ULK4: variants seen among roughly 807,000 people sequenced by gnomAD.
ULK4 encodes inactive serine/threonine-protein kinase ULK4.
A neutral mutation model predicts 160.6 loss-of-function variants in ULK4; 133 were observed. The ratio of observed to expected loss-of-function variants is 0.83; its 90% CI spans 0.72 to 0.96. ULK4 has a LOEUF of 0.96. ULK4 is among the 40% of genes least tolerant of loss of function. The pLI is 0.00. For missense variants in ULK4, 1,580 were observed against 1,499.5 expected, an observed-to-expected ratio of 1.05 and a Z score of -0.89; for synonymous variants, 534 against 539.8, an observed-to-expected ratio of 0.99 and a Z score of 0.15.
intron 35 of ULK4, among the ~76,000 whole-genome samples, chr3:41,318,786 G>T (rs1320803101): frequency 6.6e-6 from 1 of 152,188 alleles, no homozygotes; most frequent in East Asian, 1.9e-4. Context: ...GGATGTGGTT[G>T]ATCGATATTC....
intron 22 of ULK4, among the ~76,000 whole-genome samples, chr3:41,735,930 G>C (rs2038025424): frequency 6.9e-6 from 1 of 144,664 alleles, no homozygotes; most frequent in South Asian, 2.2e-4. Flanking sequence ...CTATGAGTGA[G>C]AATATGCGGT....
At chr3:41,385,159 C>A (rs2081776210) in intron 35 of ULK4, among the ~76,000 whole-genome samples, 1 of 152,162 alleles carries the variant, frequency 6.6e-6, no homozygotes, top group South Asian at 2.1e-4. Flanking sequence ...ATGATGTCTT[C>A]ACTTTCACAT....
intron 30 of ULK4, among the ~76,000 whole-genome samples, chr3:41,640,941 T>C (rs771689454): frequency 7.2e-5 from 11 of 152,356 alleles, no homozygotes; most frequent in Middle Eastern, 3.4e-3. Context: ...TCCCACGTCT[T>C]CAATCTAAAG....
chr3:41,429,054 C>T (rs1030161476), intron 34 of ULK4, among the ~76,000 whole-genome samples: 29 of 146,244 alleles, frequency 2.0e-4, no homozygotes, highest in African/African-American at 6.8e-4. Flanking sequence ...CTTAAATTTA[C>T]AAGAAAAAAA....
rs752625851 is a variant in ULK4 at position 41,841,681 on chromosome 3, G to A, written c.1657-5710C>T. 1.4e-4 allele frequency among the ~76,000 whole-genome samples: 22 copies of A among 152,184 alleles called. No individual in the cohort carries two copies. In the South Asian group the frequency reaches 1.9e-3, roughly 13 times the overall value. ...GAGAACGGGCCATGATGACGATGGC[G>A]GTTTTGTCGAAAAGAAAAGGGGAAA... On this transcript the variant is annotated intron_variant, in intron 17 of 36. Transcript: ENST00000301831.
At chr3:41,310,194 C>T (rs1345172969) in intron 35 of ULK4, among the ~76,000 whole-genome samples, 1 of 152,074 alleles carries the variant, frequency 6.6e-6, no homozygotes, top group Non-Finnish European at 1.5e-5. Context: ...TCAAATGGAC[C>T]AAATGTTTCT....
intron 18 of ULK4, among the ~76,000 whole-genome samples, chr3:41,831,417 C>CA (rs1559590460): frequency 2.5e-5 from 3 of 119,910 alleles, no homozygotes; most frequent in South Asian, 2.4e-4. Context: ...ATATACTAGT[C>CA]GTTTTTTTTT....
intron 32 of ULK4, among the ~76,000 whole-genome samples, chr3:41,541,312 A>G (rs2086687334): frequency 6.6e-6 from 1 of 152,056 alleles, no homozygotes. Context: ...TGTTTTTGTC[A>G]GGTTTGTCAA....
intron 30 of ULK4, among the ~76,000 whole-genome samples, chr3:41,640,271 T>C (rs2034128329): frequency 6.6e-6 from 1 of 152,218 alleles, no homozygotes; most frequent in Non-Finnish European, 1.5e-5. Context: ...AAGGTAGCTC[T>C]ATACAAGTGA....
At chr3:41,531,484 A>G (rs148577071) in intron 32 of ULK4, among the ~76,000 whole-genome samples, 89 of 137,820 alleles carry the variant, frequency 6.5e-4, no homozygotes, top group Middle Eastern at 3.9e-3. Context: ...AGGAGGGGAG[A>G]GGAGAGGAGA....
At chr3:41,821,040 A>T (rs1426441980) in intron 18 of ULK4, among the ~76,000 whole-genome samples, 2 of 152,180 alleles carry the variant, frequency 1.3e-5, no homozygotes, top group African/African-American at 4.8e-5. Context: ...CCTTAACATC[A>T]GTGGACTCTG....
intron 32 of ULK4, among the ~76,000 whole-genome samples, chr3:41,560,521 T>A (rs1358008496): frequency 6.6e-6 from 1 of 152,250 alleles, no homozygotes; most frequent in African/African-American, 2.4e-5. Context: ...CATTTGTTTG[T>A]GTCCTCTTTT....
chr3:41,697,550 A>G (rs896449436), intron 27 of ULK4, among the ~76,000 whole-genome samples: 16 of 152,248 alleles, frequency 1.1e-4, no homozygotes, highest in African/African-American at 3.9e-4. Flanking sequence ...GAAATTTATA[A>G]AGTAAAAATG....
chr3:41,819,129 G>C (rs956375638), intron 19 of ULK4, among the ~76,000 whole-genome samples: 2 of 152,134 alleles, frequency 1.3e-5, no homozygotes, highest in African/African-American at 4.8e-5. Context: ...ATTTTAAAGG[G>C]GGAGTGCGGA....
At chr3:41,642,419 T>C (rs1024204500) in intron 30 of ULK4, among the ~76,000 whole-genome samples, 1 of 151,960 alleles carries the variant, frequency 6.6e-6, no homozygotes. Flanking sequence ...AATTCCCACC[T>C]ATGAGTGAGA....
intron 17 of ULK4, among the ~76,000 whole-genome samples, chr3:41,845,323 G>A (rs1468054059): frequency 6.6e-6 from 1 of 152,046 alleles, no homozygotes; most frequent in African/African-American, 2.4e-5. Context: ...CCACACCACA[G>A]AATACTTCAC....
intron 30 of ULK4, among the ~76,000 whole-genome samples, chr3:41,638,058 T>G (rs920988920): frequency 2.0e-5 from 3 of 152,174 alleles, no homozygotes; most frequent in Non-Finnish European, 4.4e-5. Context: ...TTTGTCCATT[T>G]TTGCTTTTTG....
chr3:41,306,552 A>G lies in ULK4; in HGVS notation c.3679-56978T>C, dbSNP rs865835152. On this transcript the variant is annotated intron_variant, in intron 35 of 36. Transcript: ENST00000301831. ...GGGTCAGCCCCCTGCCCGGCCAGCCACCCCGTCCGGGAGGTGAGGGGCACC... is the reference window on the plus strand; with the variant it reads ...GGGTCAGCCCCCTGCCCGGCCAGCCGCCCCGTCCGGGAGGTGAGGGGCACC... Among the ~76,000 whole-genome samples, 37 of 130,802 alleles carry G rather than the reference A, an allele frequency of 2.8e-4. No homozygotes were observed. The South Asian group carries it at 5.3e-3, about 19-fold the overall frequency. The allele number at this position is 130,802 out of a possible 152,430, so 85.8% of individuals were successfully genotyped here.
chr3:41,640,999 A>G (rs1403381054), intron 30 of ULK4, among the ~76,000 whole-genome samples: 2 of 152,202 alleles, frequency 1.3e-5, no homozygotes, highest in Non-Finnish European at 2.9e-5. Context: ...TCATCAATAC[A>G]GTTCAAAGCA....
Sources: allele counts gnomAD v4.1 joint callset (sites outside exome capture counted in the v4.1 genomes callset), GRCh38; gene constraint gnomAD v4.1.1; transcripts MANE v1.5; gene names NCBI Gene and HGNC (gene_info 2026-07-23, HGNC 2026-07-21).